The following RORB variants were observed in gnomAD, a reference collection of about 807,000 sequenced individuals.
RORB encodes the protein RAR related orphan receptor B.
In RORB, 6 loss-of-function variants were observed where a neutral mutation model predicts 59.1. The ratio of observed to expected loss-of-function variants is 0.10; its 90% CI spans 0.06 to 0.20. RORB has a LOEUF of 0.20. Ranked by LOEUF, RORB falls within the 10% of genes least tolerant of loss-of-function variation. The probability of loss-of-function intolerance (pLI) is 1.00; values close to 1 mark genes in which losing one functional copy is unlikely to be tolerated. For missense variants in RORB, 320 were observed against 560.5 expected (o/e 0.57, Z 4.33); for synonymous variants, 215 against 204.5 (o/e 1.05, Z -0.44).
intron 5 of RORB, among the ~76,000 whole-genome samples, chr9:74,661,636 CT>C (rs779927558): frequency 0.021 from 1,645 of 79,526 alleles, 5 homozygotes; most frequent in African/African-American, 0.075. Context: ...TTCTTTTTTC[CT>C]TTTTTTTTTT....
intron 9 of RORB, among the ~76,000 whole-genome samples, chr9:74,685,224 G>T (rs1212445934): frequency 7.7e-6 from 1 of 129,036 alleles, no homozygotes; most frequent in African/African-American, 2.9e-5. Flanking sequence ...ATGAATCAGG[G>T]ATCTTGGTCC....
chr9:74,569,826 G>A (rs1298979519), intron 1 of RORB, among the ~76,000 whole-genome samples: 1 of 151,858 alleles, frequency 6.6e-6, no homozygotes, highest in Admixed American at 6.6e-5. Context: ...ATATAAATAA[G>A]GCCAAATATC....
intron 4 of RORB, among the ~76,000 whole-genome samples, chr9:74,645,115 T>G (rs181193949): frequency 2.0e-4 from 30 of 152,272 alleles, no homozygotes; most frequent in Admixed American, 7.9e-4. Flanking sequence ...ATCAGACATT[T>G]AGGGATGCAA....
At chr9:74,636,572 G>A (rs948808107) in intron 3 of RORB, among the ~76,000 whole-genome samples, 2 of 152,124 alleles carry the variant, frequency 1.3e-5, no homozygotes, top group Non-Finnish European at 2.9e-5. Flanking sequence ...AAGAAGGAAG[G>A]AATTCATTGC....
chr9:74,516,218 A>C (rs1273318352), intron 1 of RORB, among the ~76,000 whole-genome samples: 5 of 152,088 alleles, frequency 3.3e-5, no homozygotes. Flanking sequence ...AAATTAGATA[A>C]CATCATAACA....
chr9:74,592,924 C>A (rs1822921209), intron 1 of RORB, among the ~76,000 whole-genome samples: 2 of 152,032 alleles, frequency 1.3e-5, no homozygotes, highest in Non-Finnish European at 2.9e-5. Flanking sequence ...GGGAAGCTGT[C>A]AGAAGGCCTG....
rs1389416639 is a variant in RORB at position 74,686,562 on chromosome 9, T to C, written c.*944T>C. 2 of 152,222 alleles carry C rather than the reference T, an allele frequency of 1.3e-5. No homozygotes were observed. The highest frequency in any genetic ancestry group is 4.8e-5 in the African/African-American group (2 of 41,458). The allele number at this position is 152,222 out of a possible 1,614,324, so 9.4% of individuals were successfully genotyped here. A position where few individuals can be genotyped will look rare whatever the true frequency, so the allele number is the denominator to read the frequency against. ...ACTTTTTTTCTTTTGGATTTCTGGTTGTGAAACAAGCTTGATTTCAGTGCT... is the reference window on the plus strand; with the variant it reads ...ACTTTTTTTCTTTTGGATTTCTGGTCGTGAAACAAGCTTGATTTCAGTGCT... On this transcript the variant is annotated 3_prime_UTR_variant, in exon 10 of 10. Coordinates refer to ENST00000376896, the MANE Select transcript of RORB (RefSeq NM_006914.4).
At chr9:74,654,333 G>GGAGAGAGAGAGAGA (rs60137307) in intron 4 of RORB, among the ~76,000 whole-genome samples, 1 of 138,616 alleles carries the variant, frequency 7.2e-6, no homozygotes, top group African/African-American at 2.7e-5. Context: ...CAGTCTCAGG[G>GGAGAGAGAGAGAGA]GAGAGAGAGA....
At chr9:74,517,887 A>G (rs1826030590) in intron 1 of RORB, among the ~76,000 whole-genome samples, 1 of 152,062 alleles carries the variant, frequency 6.6e-6, no homozygotes, top group African/African-American at 2.4e-5. Flanking sequence ...TAAATACTTC[A>G]TGTGAATTAC....
intron 1 of RORB, among the ~76,000 whole-genome samples, chr9:74,580,981 G>C (rs1296978869): frequency 6.6e-6 from 1 of 152,166 alleles, no homozygotes; most frequent in East Asian, 1.9e-4. Flanking sequence ...CAGCTGTGGG[G>C]AGGAGCCAGA....
chr9:74,670,623 CT>C (rs1260074796), intron 8 of RORB, among the ~76,000 whole-genome samples: 5 of 152,208 alleles, frequency 3.3e-5, no homozygotes, highest in Non-Finnish European at 5.9e-5. Flanking sequence ...GCTTCACAAA[CT>C]CCAAATACCT....
chr9:74,687,505 C>T lies in RORB; in HGVS notation c.*1887C>T, dbSNP rs1010227677. The T allele has an allele frequency of 6.6e-6, 1 of 152,140 alleles. No homozygotes were observed. The highest frequency in any genetic ancestry group is 1.5e-5 in the Non-Finnish European group (1 of 68,026). The allele number at this position is 152,140 out of a possible 1,614,324, so 9.4% of individuals were successfully genotyped here. On this transcript the variant is annotated 3_prime_UTR_variant, in exon 10 of 10. Transcript: ENST00000376896. ...TAGAAAACGGAACATTTTCTCACCT[C>T]ATGATTGATGAATTCTAAACCAATG...
At chr9:74,641,849 G>A (rs1386177068) in intron 3 of RORB, among the ~76,000 whole-genome samples, 1 of 152,140 alleles carries the variant, frequency 6.6e-6, no homozygotes, top group Non-Finnish European at 1.5e-5. Context: ...CAAGGTTTCA[G>A]TGAGCTATGA....
intron 1 of RORB, among the ~76,000 whole-genome samples, chr9:74,534,717 G>A (rs773177203): frequency 2.6e-5 from 4 of 151,986 alleles, no homozygotes; most frequent in East Asian, 1.9e-4. Context: ...AGATGCTGAC[G>A]TTGCTGCTGC....
chr9:74,661,940 C>A (rs7043312), intron 5 of RORB, among the ~76,000 whole-genome samples: 2 of 151,774 alleles, frequency 1.3e-5, no homozygotes, highest in Admixed American at 6.6e-5. Flanking sequence ...CCACCGCGCC[C>A]GGCCTCGGAA....
chr9:74,636,483 G>T (rs1430219150), intron 3 of RORB, among the ~76,000 whole-genome samples: 3 of 152,132 alleles, frequency 2.0e-5, no homozygotes, highest in Non-Finnish European at 4.4e-5. Flanking sequence ...ACAAAATTTA[G>T]ACGGTCTGAA....
intron 1 of RORB, among the ~76,000 whole-genome samples, chr9:74,609,088 T>C (rs4744722): frequency 0.77 from 117,926 of 152,196 alleles, 46,198 homozygotes; most frequent in East Asian, 0.93. Context: ...CTTCTATGCT[T>C]TCATCTATAA....
At chr9:74,552,587 G>A (rs112746902) in intron 1 of RORB, among the ~76,000 whole-genome samples, 8 of 152,066 alleles carry the variant, frequency 5.3e-5, no homozygotes, top group South Asian at 2.1e-4. Context: ...ATAGTTCAAC[G>A]TAGGGTCATG....
At chr9:74,617,104 A>T (rs996839279) in intron 1 of RORB, among the ~76,000 whole-genome samples, 52 of 147,878 alleles carry the variant, frequency 3.5e-4, no homozygotes, top group African/African-American at 7.4e-5. Context: ...CCGCAAAAAA[A>T]CTCTGCCTCT....
Sources: gnomAD v4.1 joint callset for allele counts (sites outside exome capture counted in the v4.1 genomes callset) on GRCh38, gnomAD v4.1.1 for gene constraint, MANE v1.5 for transcripts, NCBI Gene and HGNC (gene_info 2026-07-23, HGNC 2026-07-21) for gene names.